The following FBXO42 variants were observed in gnomAD, a reference collection of about 807,000 sequenced individuals.
FBXO42 encodes F-box protein 42.
In FBXO42, 12 loss-of-function variants were observed where a neutral mutation model predicts 71.7. The ratio of observed to expected loss-of-function variants is 0.17; its 90% CI spans 0.11 to 0.27. FBXO42 has a LOEUF of 0.27. FBXO42 is among the 10% of genes least tolerant of loss of function. The pLI, the probability that FBXO42 is intolerant of heterozygous loss-of-function variation, is 1.00. For synonymous variants in FBXO42, 325 were observed against 327.5 expected, an observed-to-expected ratio of 0.99 and a Z score of 0.08; for missense variants, 707 against 911.9, an observed-to-expected ratio of 0.78 and a Z score of 2.89.
In FBXO42 at chr1:16,308,495, T is replaced by TC. The variant is rs35877738; in HGVS notation, c.251-2577_251-2576insG. Reference sequence around the variant, plus strand: ...GGAAACACAGTGAGACCCATCTCTCTTTTTTTTTTTTTTTTTTTCCTTTAG... The same window carrying TC: ...GGAAACACAGTGAGACCCATCTCTCTCTTTTTTTTTTTTTTTTTTCCTTTAG... On this transcript the variant is annotated intron_variant, in intron 2 of 9. Coordinates refer to ENST00000375592, the MANE Select transcript of FBXO42 (RefSeq NM_018994.3). Among the ~76,000 whole-genome samples the TC allele has an allele frequency of 6.5e-4, 39 of 59,980 alleles. 1 individual carries two copies. Among genetic ancestry groups the TC allele is most frequent in the Admixed American group, 3.7e-3 (26 of 7,044 alleles). 39.3% of individuals were successfully genotyped at this position (59,980 alleles called of 152,430 possible). A position where few individuals can be genotyped will look rare whatever the true frequency, so the allele number is the denominator to read the frequency against.
At position 16,305,891 on chromosome 1, in the gene FBXO42, G is replaced by A. The variant is rs2082244869; in HGVS notation, c.279C>T (p.Phe93=). Residue 93 remains phenylalanine, a synonymous_variant, in exon 3 of 10, where the codon TTC becomes TTT. Transcript: ENST00000375592. ...TGTTTCCTTCCTGGACAGCCTTCATGAAACCATGATAACACTGATGGGCTA... is the reference window on the plus strand; with the variant it reads ...TGTTTCCTTCCTGGACAGCCTTCATAAAACCATGATAACACTGATGGGCTA... ...KGVAHQCYHG[F]MKAVQEGNIQ... 6.2e-7 allele frequency: 1 copy of A among 1,614,108 alleles called. No homozygotes were observed.
At chr1:16,263,567 C>CA (rs2081737421) in intron 4 of FBXO42, among the ~76,000 whole-genome samples, 1 of 151,196 alleles carries the variant, frequency 6.6e-6, no homozygotes, top group African/African-American at 2.4e-5. Context: ...ACTAAAAATA[C>CA]AAAAAATTAG....
At chr1:16,338,215 T>C (rs913825543) in intron 1 of FBXO42, among the ~76,000 whole-genome samples, 2 of 151,336 alleles carry the variant, frequency 1.3e-5, no homozygotes, top group African/African-American at 4.9e-5. Context: ...GCTGAGATCA[T>C]GCTCCACTGC....
At chr1:16,295,413 T>G (rs2082118262) in intron 3 of FBXO42, among the ~76,000 whole-genome samples, 1 of 152,050 alleles carries the variant, frequency 6.6e-6, no homozygotes, top group Non-Finnish European at 1.5e-5. Flanking sequence ...TTTTTTGAGA[T>G]GGAGTCTCCC....
chr1:16,337,835 G>T (rs1466081918), intron 1 of FBXO42, among the ~76,000 whole-genome samples: 1 of 127,674 alleles, frequency 7.8e-6, no homozygotes, highest in African/African-American at 2.9e-5. Context: ...AGTGAGTGGA[G>T]ATCGCGCCAC....
chr1:16,301,501 A>T (rs1006894606), intron 3 of FBXO42, among the ~76,000 whole-genome samples: 1 of 151,768 alleles, frequency 6.6e-6, no homozygotes, highest in African/African-American at 2.4e-5. Context: ...CGTCTCTACT[A>T]AAACTACAAA....
intron 1 of FBXO42, among the ~76,000 whole-genome samples, chr1:16,343,892 T>C (rs567972868): frequency 2.7e-5 from 4 of 148,538 alleles, no homozygotes; most frequent in African/African-American, 1.0e-4. Context: ...GGCAGGAGGA[T>C]CGCTTGAGCC....
chr1:16,315,419 G>T lies in FBXO42; in HGVS notation c.-1C>A, dbSNP rs1275806283. On this transcript the variant is annotated 5_prime_UTR_variant, in exon 2 of 10. Transcript: ENST00000375592. ...CTTCACTGTCCGAGGAGCTGGCCATGACATTCCACTCAACAGCTGTAATAG... is the reference window on the plus strand; with the variant it reads ...CTTCACTGTCCGAGGAGCTGGCCATTACATTCCACTCAACAGCTGTAATAG... 2 of 1,613,596 alleles carry T rather than the reference G, an allele frequency of 1.2e-6. No individual in the cohort carries two copies. The highest frequency in any genetic ancestry group is 1.7e-6 in the Non-Finnish European group (2 of 1,179,848).
intron 4 of FBXO42, among the ~76,000 whole-genome samples, chr1:16,281,682 G>A (rs1292607954): frequency 6.9e-6 from 1 of 145,548 alleles, no homozygotes; most frequent in Non-Finnish European, 1.5e-5. Context: ...TTTTTGAGAC[G>A]GAGTCTCACT....
intron 4 of FBXO42, among the ~76,000 whole-genome samples, chr1:16,281,036 C>T (rs2081958389): frequency 6.6e-6 from 1 of 152,148 alleles, no homozygotes. Context: ...ATTCTCAGCT[C>T]ACCGCAACCT....
At chr1:16,294,987 A>C in intron 3 of FBXO42, 70 bp from the exon 4 acceptor site, 1 of 1,480,190 alleles carries the variant, frequency 6.8e-7, no homozygotes, top group African/African-American at 1.4e-5. Context: ...ACCATAACAT[A>C]TATTTTTCAA....
At chr1:16,264,065 C>A (rs1228938962) in intron 4 of FBXO42, among the ~76,000 whole-genome samples, 1 of 152,086 alleles carries the variant, frequency 6.6e-6, no homozygotes, top group Non-Finnish European at 1.5e-5. Context: ...CCTGCCTCAG[C>A]CTCCCAAAGT....
At chr1:16,328,739 C>T (rs977299481) in intron 1 of FBXO42, among the ~76,000 whole-genome samples, 2 of 152,124 alleles carry the variant, frequency 1.3e-5, no homozygotes, top group African/African-American at 4.8e-5. Context: ...TAATACCGTT[C>T]TCCAATAAAA....
At chr1:16,329,212 A>G (rs2082475530) in intron 1 of FBXO42, among the ~76,000 whole-genome samples, 1 of 151,482 alleles carries the variant, frequency 6.6e-6, no homozygotes, top group African/African-American at 2.4e-5. Context: ...TAAAAGGGGC[A>G]AAGGAGGCAG....
intron 7 of FBXO42, chr1:16,253,362 T>C (rs2081610303): frequency 1.7e-6 from 1 of 598,508 alleles, no homozygotes; most frequent in African/African-American, 1.9e-5. Context: ...TCTTTGTTGA[T>C]CAAATATTAA....
intron 1 of FBXO42, among the ~76,000 whole-genome samples, chr1:16,344,181 G>A (rs1174424240): frequency 6.6e-6 from 1 of 151,186 alleles, no homozygotes; most frequent in East Asian, 2.0e-4. Flanking sequence ...ATTTTTAGTA[G>A]AGATGGGGTT....
intron 1 of FBXO42, among the ~76,000 whole-genome samples, chr1:16,327,489 G>GT (rs1357903438): frequency 1.3e-5 from 2 of 152,104 alleles, no homozygotes; most frequent in Non-Finnish European, 1.5e-5. Context: ...TTTAATCGTG[G>GT]TAAGTCCCAG....
At chr1:16,262,226 C>T (rs2081722870) in intron 4 of FBXO42, among the ~76,000 whole-genome samples, 2 of 152,160 alleles carry the variant, frequency 1.3e-5, no homozygotes, top group Non-Finnish European at 2.9e-5. Context: ...TCTTGCTATG[C>T]TGCCCAGTCT....
intron 1 of FBXO42, among the ~76,000 whole-genome samples, chr1:16,320,078 C>A (rs1017546244): frequency 1.3e-5 from 2 of 151,084 alleles, no homozygotes; most frequent in African/African-American, 2.4e-5. Flanking sequence ...AACGTACAGT[C>A]GCCGAGCATG....
Sources: gnomAD v4.1 joint callset for allele counts (sites outside exome capture counted in the v4.1 genomes callset) on GRCh38, gnomAD v4.1.1 for gene constraint, MANE v1.5 for transcripts, NCBI Gene and HGNC (gene_info 2026-07-23, HGNC 2026-07-21) for gene names.